TRERF1: variants seen among roughly 807,000 people sequenced by gnomAD.
TRERF1 encodes transcriptional regulating factor 1.
In TRERF1, 27 loss-of-function variants were observed where a neutral mutation model predicts 122.9. The ratio of observed to expected loss-of-function variants is 0.22; its 90% CI spans 0.16 to 0.30. The LOEUF (loss-of-function observed/expected upper bound fraction) is 0.30. Among genes scored for constraint, TRERF1 ranks in the 10% least tolerant of loss-of-function variants. The pLI is 1.00. For missense variants in TRERF1, 1,248 were observed against 1,560.3 expected, an observed-to-expected ratio of 0.80 and a Z score of 3.37; for synonymous variants, 636 against 641.7, an observed-to-expected ratio of 0.99 and a Z score of 0.13.
At chr6:42,404,260 C>T (rs1265782363) in intron 2 of TRERF1, among the ~76,000 whole-genome samples, 6 of 152,066 alleles carry the variant, frequency 3.9e-5, no homozygotes, top group Admixed American at 3.3e-4. Flanking sequence ...TCTTGGGTTC[C>T]TCCTCATCTT....
intron 4 of TRERF1, among the ~76,000 whole-genome samples, chr6:42,290,680 A>C (rs1318299289): frequency 6.6e-6 from 1 of 151,772 alleles, no homozygotes; most frequent in Non-Finnish European, 1.5e-5. Flanking sequence ...CAAGGAGAGA[A>C]GAAGGAAAAA....
chr6:42,301,531 G>C (rs1003162581), intron 3 of TRERF1, among the ~76,000 whole-genome samples: 3 of 152,064 alleles, frequency 2.0e-5, no homozygotes, highest in African/African-American at 7.2e-5. Context: ...CCCAGCCGAA[G>C]GACCAGTTTT....
intron 3 of TRERF1, among the ~76,000 whole-genome samples, chr6:42,342,176 A>G (rs1162119202): frequency 1.3e-5 from 2 of 152,238 alleles, no homozygotes; most frequent in African/African-American, 4.8e-5. Flanking sequence ...CAGAAATGAA[A>G]GCCCAACACG....
At chr6:42,244,412 G>A (rs1187622103) in intron 14 of TRERF1, among the ~76,000 whole-genome samples, 1 of 152,112 alleles carries the variant, frequency 6.6e-6, no homozygotes, top group Non-Finnish European at 1.5e-5. Flanking sequence ...TCGAACTCCC[G>A]ACCTCAGGTG....
chr6:42,428,880 C>G (rs902198569), intron 2 of TRERF1, among the ~76,000 whole-genome samples: 3 of 152,212 alleles, frequency 2.0e-5, no homozygotes, highest in African/African-American at 7.2e-5. Flanking sequence ...TTATTCCCAG[C>G]AGGCCTTCCC....
At chr6:42,233,041 A>G in intron 16 of TRERF1, 113 bp from the exon 17 acceptor site, 2 of 1,180,498 alleles carry the variant, frequency 1.7e-6, no homozygotes, top group East Asian at 5.2e-5. Flanking sequence ...CATATGCTAC[A>G]AAAGGTAAAG....
rs181482351 is a variant in TRERF1, at chr6:42,413,042, C to A, written c.-454+38135G>T. Among the ~76,000 whole-genome samples the A allele has an allele frequency of 1.8e-3, 268 of 152,284 alleles. 1 individual carries two copies. Among genetic ancestry groups the A allele is most frequent in the African/African-American group, 5.9e-3 (244 of 41,550 alleles). ...TGCTTAGCCAAAGCAGTCAGGTCAA[C>A]CGACCAAATGTGCCCAAAGAAATTT... On this transcript the variant is annotated intron_variant, in intron 2 of 17. Coordinates refer to ENST00000372922, the Ensembl canonical transcript of TRERF1.
chr6:42,245,662 C>T (rs762085380), intron 14 of TRERF1, among the ~76,000 whole-genome samples: 1 of 152,156 alleles, frequency 6.6e-6, no homozygotes, highest in Non-Finnish European at 1.5e-5. Context: ...ATTTTGCTTT[C>T]GAATGCTGTA....
rs908442514 is a variant in TRERF1 at position 42,354,602 on chromosome 6, T to G, written c.-371+8395A>C. Among the ~76,000 whole-genome samples, 4 of 152,192 alleles carry G rather than the reference T, an allele frequency of 2.6e-5. No homozygotes were observed. The South Asian group carries it at 8.3e-4, about 32-fold the overall frequency. ...TTGTTAATGAGGCATCAGAATTATT[T>G]ATTGAATAATTTTTCCTTCCCCACT... On this transcript the variant is annotated intron_variant, in intron 3 of 17. Transcript: ENST00000372922.
At chr6:42,294,194 T>C (rs1049101384) in intron 4 of TRERF1, among the ~76,000 whole-genome samples, 1 of 150,564 alleles carries the variant, frequency 6.6e-6, no homozygotes, top group African/African-American at 2.4e-5. Context: ...TTTTTTTTTT[T>C]TTTTTGAGAC....
chr6:42,367,258 C>G (rs1396757472), intron 2 of TRERF1, among the ~76,000 whole-genome samples: 1 of 152,196 alleles, frequency 6.6e-6, no homozygotes, highest in Non-Finnish European at 1.5e-5. Context: ...CTCTTACTAA[C>G]AGAAACAAGC....
chr6:42,229,314 A>G (rs1222718124), intron 17 of TRERF1, among the ~76,000 whole-genome samples: 1 of 151,830 alleles, frequency 6.6e-6, no homozygotes, highest in East Asian at 1.9e-4. Flanking sequence ...ATTTTTAAAT[A>G]TTTTGTAGAG....
At chr6:42,410,064 A>G (rs754951272) in intron 2 of TRERF1, among the ~76,000 whole-genome samples, 4 of 152,108 alleles carry the variant, frequency 2.6e-5, no homozygotes, top group South Asian at 2.1e-4. Context: ...TCCGATTTTT[A>G]TGATTTCTTT....
chr6:42,237,356 C>T (rs1772488486), intron 15 of TRERF1, among the ~76,000 whole-genome samples: 1 of 152,216 alleles, frequency 6.6e-6, no homozygotes. Flanking sequence ...CTACTTTATT[C>T]TGCTCTCTCC....
intron 13 of TRERF1, among the ~76,000 whole-genome samples, chr6:42,249,093 G>C (rs2149653958): frequency 6.6e-6 from 1 of 152,328 alleles, no homozygotes; most frequent in South Asian, 2.1e-4. Flanking sequence ...CATACCAGCT[G>C]ACTCACACAA....
chr6:42,338,301 G>A (rs766938686), intron 3 of TRERF1, among the ~76,000 whole-genome samples: 1 of 151,048 alleles, frequency 6.6e-6, no homozygotes, highest in Non-Finnish European at 1.5e-5. Flanking sequence ...GTAGGGAAAT[G>A]GGCAACCGGT....
chr6:42,277,891 GGAAGAAGGAAGAAGGAA>G (rs1426936375), intron 4 of TRERF1, among the ~76,000 whole-genome samples: 22 of 129,742 alleles, frequency 1.7e-4, no homozygotes, highest in African/African-American at 6.4e-4. Context: ...GAAGGAAGAA[GGAAGAAGGAAGAAGGAA>G]GAAGAAGAAG....
intron 13 of TRERF1, 43 bp from the exon 14 acceptor site, chr6:42,246,587 C>T (rs1365587255): frequency 7.0e-7 from 1 of 1,437,742 alleles, no homozygotes; most frequent in South Asian, 1.3e-5. Flanking sequence ...TCACAGTTCC[C>T]CCTGCTTTTA....
intron 4 of TRERF1, among the ~76,000 whole-genome samples, chr6:42,290,741 CTTTTTTTTTTTTT>C (rs144168592): frequency 9.7e-5 from 9 of 92,406 alleles, no homozygotes; most frequent in East Asian, 6.2e-4. Context: ...CATTTCTTTC[CTTTTTTTTTTTTT>C]TTTTTTTTTT....
Sources: allele counts gnomAD v4.1 joint callset (sites outside exome capture counted in the v4.1 genomes callset), GRCh38; gene constraint gnomAD v4.1.1; transcripts MANE v1.5; gene names NCBI Gene and HGNC (gene_info 2026-07-23, HGNC 2026-07-21).